The following TMEM65 variants were observed in gnomAD, a reference collection of about 807,000 sequenced individuals.
The protein encoded by TMEM65 is transmembrane protein 65.
Under a neutral mutation model 25.4 loss-of-function variants are expected in TMEM65, and 22 were observed. The observed-to-expected ratio is 0.86, with a 90% CI of 0.62 to 1.23. TMEM65 has a LOEUF of 1.23. Ranked by LOEUF, TMEM65 falls within the 50% of genes most tolerant of loss-of-function variation. The probability of loss-of-function intolerance (pLI) is 0.00; values close to 1 mark genes in which losing one functional copy is unlikely to be tolerated. For synonymous variants in TMEM65, 132 were observed against 126.2 expected (o/e 1.05, Z -0.31); for missense variants, 262 against 308.2 (o/e 0.85, Z 1.12).
rs138539340 is a variant in TMEM65, at chr8:124,332,476, G to A, written c.305-1684C>T. ...AACATTAAAAATATTCTACAACAGC[G>A]AAGAAGAAAAGATAAGGGCTAGGCA... On this transcript the variant is annotated intron_variant, in intron 1 of 6. Transcript: ENST00000297632. Among the ~76,000 whole-genome samples, 218 of 151,992 alleles carry A rather than the reference G, an allele frequency of 1.4e-3. 2 individuals carry two copies. The highest frequency in any genetic ancestry group is 0.012 in the East Asian group (63 of 5,180).
At chr8:124,367,884 A>G (rs1413973781) in intron 1 of TMEM65, among the ~76,000 whole-genome samples, 1 of 152,248 alleles carries the variant, frequency 6.6e-6, no homozygotes, top group Non-Finnish European at 1.5e-5. Flanking sequence ...GAGACCTAAC[A>G]TTGATAGAAA....
At chr8:124,319,849 A>T (rs1025351136) in intron 6 of TMEM65, among the ~76,000 whole-genome samples, 1 of 152,166 alleles carries the variant, frequency 6.6e-6, no homozygotes, top group Non-Finnish European at 1.5e-5. Flanking sequence ...CCTATAAGAG[A>T]TACTCCCTAA....
chr8:124,323,281 A>G lies in TMEM65; in HGVS notation c.472+40T>C, dbSNP rs760310064. 3 of 1,121,322 alleles carry G rather than the reference A, an allele frequency of 2.7e-6. No individual in the cohort carries two copies. The Admixed American group carries it at 6.9e-5, about 26-fold the overall frequency. 69.5% of individuals were successfully genotyped at this position (1,121,322 alleles called of 1,614,324 possible). The stretch of plus-strand genomic sequence containing the variant: ...ACTTAATCTACTGAAATGTTTTATA[A>G]GTGTACAATGAAATAATAACATTTA... On this transcript the variant is annotated intron_variant, in intron 4 of 6. Coordinates refer to ENST00000297632, the MANE Select transcript of TMEM65 (RefSeq NM_194291.3).
At chr8:124,369,262 T>C (rs1052088044) in intron 1 of TMEM65, among the ~76,000 whole-genome samples, 1 of 152,218 alleles carries the variant, frequency 6.6e-6, no homozygotes, top group African/African-American at 2.4e-5. Context: ...TGATAAGATA[T>C]CCCACAAGGT....
chr8:124,316,695 A>G (rs1814241807), intron 6 of TMEM65, among the ~76,000 whole-genome samples: 1 of 152,172 alleles, frequency 6.6e-6, no homozygotes, highest in African/African-American at 2.4e-5. Flanking sequence ...ATACAGAAAG[A>G]AAACAATTAT....
chr8:124,345,846 T>A (rs759444392), intron 1 of TMEM65, among the ~76,000 whole-genome samples: 18 of 152,108 alleles, frequency 1.2e-4, no homozygotes, highest in Non-Finnish European at 2.2e-4. Flanking sequence ...CAGGTTTAAG[T>A]GATTCTTCTG....
Position 124,372,070 on chromosome 8 carries a change from A to ACGGCGGGCGGGGCGCGGCGG in TMEM65, c.68_87dup (p.Ser30ProfsTer44). The stretch of plus-strand genomic sequence containing the variant: ...AGCCCCCGCCCGCAGCAGCACCAGG[A>ACGGCGGGCGGGGCGCGGCGG]CGGCGGGCGGGGCGCGGCGGCGGCG... On this transcript the variant is annotated frameshift_variant, in exon 1 of 7. Coordinates refer to ENST00000297632, the MANE Select transcript of TMEM65 (RefSeq NM_194291.3). LOFTEE classifies it high-confidence loss of function. 3.5e-6 allele frequency: 4 copies of ACGGCGGGCGGGGCGCGGCGG among 1,149,106 alleles called. No individual in the cohort carries two copies. Among genetic ancestry groups the ACGGCGGGCGGGGCGCGGCGG allele is most frequent in the Non-Finnish European group, 4.3e-6 (4 of 937,018 alleles). The allele number at this position is 1,149,106 out of a possible 1,614,324, so 71.2% of individuals were successfully genotyped here.
chr8:124,367,726 T>C (rs948387078), intron 1 of TMEM65, among the ~76,000 whole-genome samples: 1 of 152,194 alleles, frequency 6.6e-6, no homozygotes, highest in Non-Finnish European at 1.5e-5. Flanking sequence ...CTCTTCACCC[T>C]ACCTTAAACA....
chr8:124,372,302 C>T lies in TMEM65; in HGVS notation c.-145G>A. On this transcript the variant is annotated 5_prime_UTR_variant, in exon 1 of 7. Coordinates refer to ENST00000297632, the MANE Select transcript of TMEM65 (RefSeq NM_194291.3). ...GAGGCGCCGGGCACCATGCACTCCG[C>T]GGGCCCGCGCGGCTCTCGCCTCCTG... is the stretch of plus-strand genomic sequence containing the variant. 1.5e-6 allele frequency: 1 copy of T among 671,040 alleles called. No homozygotes were observed. Among genetic ancestry groups the T allele is most frequent in the Non-Finnish European group, 1.9e-6 (1 of 525,904 alleles). 41.6% of individuals were successfully genotyped at this position (671,040 alleles called of 1,614,324 possible).
At chr8:124,325,255 C>A (rs781647469) in intron 3 of TMEM65, among the ~76,000 whole-genome samples, 43 of 152,054 alleles carry the variant, frequency 2.8e-4, no homozygotes, top group African/African-American at 1.0e-3. Context: ...ACAGTCATAG[C>A]TGTCCCACAA....
At chr8:124,371,776 G>T (rs1815018046) in intron 1 of TMEM65, 78 bp downstream of exon 1, 1 of 1,390,124 alleles carries the variant, frequency 7.2e-7, no homozygotes, top group Non-Finnish European at 9.5e-7. Context: ...ATCCAGGGCC[G>T]CAGCGGGCTC....
rs760701143 is a variant in TMEM65, at chr8:124,322,160, AAAAT to A, written c.473-17_473-14del. ...CCCAAAGCAGCAGCTAAAAATTTGAAAAATAAATAATTGTTACATAAAAGAATAA... is the reference window on the plus strand; with the variant it reads ...CCCAAAGCAGCAGCTAAAAATTTGAAAAATAATTGTTACATAAAAGAATAA... On this transcript the variant is annotated splice_polypyrimidine_tract_variant and intron_variant, in intron 4 of 6. Transcript: ENST00000297632. The A allele has an allele frequency of 7.5e-6, 12 of 1,597,960 alleles. No individual in the cohort carries two copies. The highest frequency in any genetic ancestry group is 2.7e-5 in the African/African-American group (2 of 74,552).
intron 4 of TMEM65, among the ~76,000 whole-genome samples, chr8:124,322,486 A>G (rs1307647167): frequency 2.6e-5 from 4 of 152,200 alleles, no homozygotes; most frequent in Non-Finnish European, 5.9e-5. Flanking sequence ...AATTCAAGAA[A>G]GTCAAGGAGA....
chr8:124,327,743 C>T (rs1814383870), intron 2 of TMEM65, among the ~76,000 whole-genome samples: 1 of 151,272 alleles, frequency 6.6e-6, no homozygotes, highest in Non-Finnish European at 1.5e-5. Context: ...AATTAGTAAA[C>T]ATATATGAGT....
chr8:124,330,052 C>A (rs1814412963), intron 2 of TMEM65, among the ~76,000 whole-genome samples: 1 of 151,862 alleles, frequency 6.6e-6, no homozygotes, highest in Admixed American at 6.6e-5. Context: ...TGATCTCCTA[C>A]TAATTTGTGG....
chr8:124,372,039 G>A lies in TMEM65; in HGVS notation c.119C>T (p.Ala40Val), dbSNP rs1337181233. 3 of 1,242,124 alleles carry A rather than the reference G, an allele frequency of 2.4e-6. No individual in the cohort carries two copies. The highest frequency in any genetic ancestry group is 1.6e-5 in the African/African-American group (1 of 63,142). 76.9% of individuals were successfully genotyped at this position (1,242,124 alleles called of 1,614,324 possible). The change falls in exon 1 of 7, where the codon GCG (alanine) becomes GTG (valine). Residue 40 changes from alanine (A) to valine (V), a missense_variant. By Grantham distance (64) the Ala-to-Val change is moderately conservative. Transcript: ENST00000297632. ...SWCCCGRGLL[A>V]LAPPGGLPGG... ...CGGCAAGCCGCCGGGGGGCGCGAGC[G>A]CCAGCAGCCCCCGCCCGCAGCAGCA...
In TMEM65 at chr8:124,312,180, T is replaced by C. The variant is rs1160382594; in HGVS notation, c.*1780A>G. 1 of 145,964 alleles carries C rather than the reference T, an allele frequency of 6.9e-6. No homozygotes were observed. Among genetic ancestry groups the C allele is most frequent in the Non-Finnish European group, 1.5e-5 (1 of 66,506 alleles). 9.0% of individuals were successfully genotyped at this position (145,964 alleles called of 1,614,324 possible). A position where few individuals can be genotyped will look rare whatever the true frequency, so the allele number is the denominator to read the frequency against. The stretch of plus-strand genomic sequence containing the variant: ...TATCAATCAGAAATTTTACAAAGGA[T>C]TTTTTGTGTGGTTATCTGTGTGTGG... On this transcript the variant is annotated 3_prime_UTR_variant, in exon 7 of 7. Coordinates refer to ENST00000297632, the MANE Select transcript of TMEM65 (RefSeq NM_194291.3).
chr8:124,328,231 C>A (rs1271197474), intron 2 of TMEM65, among the ~76,000 whole-genome samples: 2 of 151,700 alleles, frequency 1.3e-5, no homozygotes, highest in Non-Finnish European at 2.9e-5. Flanking sequence ...TGGTGAAACC[C>A]CATCACTACT....
At chr8:124,340,794 G>A (rs993739278) in intron 1 of TMEM65, among the ~76,000 whole-genome samples, 20 of 152,066 alleles carry the variant, frequency 1.3e-4, no homozygotes, top group Non-Finnish European at 2.9e-5. Flanking sequence ...GAAATTTAAG[G>A]CTGAGAAAAA....
Sources: gnomAD v4.1 joint callset for allele counts (sites outside exome capture counted in the v4.1 genomes callset) on GRCh38, gnomAD v4.1.1 for gene constraint, MANE v1.5 for transcripts, NCBI Gene and HGNC (gene_info 2026-07-23, HGNC 2026-07-21) for gene names.